The following NSD2 variants were observed in gnomAD, a reference collection of about 807,000 sequenced individuals.
NSD2 encodes the protein nuclear receptor binding SET domain protein 2.
In NSD2, 12 loss-of-function variants were observed where a neutral mutation model predicts 139.0. That is an observed-to-expected ratio of 0.09 (90% confidence interval 0.06 to 0.14). The LOEUF (loss-of-function observed/expected upper bound fraction) is 0.14. Among genes scored for constraint, NSD2 ranks in the 10% least tolerant of loss-of-function variants. The pLI, the probability that NSD2 is intolerant of heterozygous loss-of-function variation, is 1.00. For synonymous variants in NSD2, 669 were observed against 648.7 expected (o/e 1.03, Z -0.48); for missense variants, 1,155 against 1,745.0 (o/e 0.66, Z 6.02).
chr4:1,916,732 G>C, intron 3 of NSD2, 139 bp from the exon 4 acceptor site: 1 of 716,394 alleles, frequency 1.4e-6, no homozygotes, highest in South Asian at 2.2e-5. Context: ...GCATGGAAGG[G>C]ATAAGAAGTA....
In NSD2 at chr4:1,955,261, C is replaced by T; in HGVS notation, c.2439C>T (p.Cys813=). 1.2e-6 allele frequency: 2 copies of T among 1,614,216 alleles called. No individual in the cohort carries two copies. The highest frequency in any genetic ancestry group is 1.7e-6 in the Non-Finnish European group (2 of 1,180,046). ...CSVIASNSII[C]TAHFTARKGK... is the part of the protein sequence containing the mutation. ...TGATCGCCTCCAACAGCATCATCTGCACTGCCCACTTCACTGCTCGGAAGG... is the reference window on the plus strand; with the variant it reads ...TGATCGCCTCCAACAGCATCATCTGTACTGCCCACTTCACTGCTCGGAAGG... The change falls in exon 13 of 22, where the codon TGC becomes TGT. Residue 813 remains cysteine (C), a synonymous_variant. Transcript: ENST00000508803. The surrounding 1 kb of genome is among the most constrained non-coding windows in gnomAD (Gnocchi z 4.7).
chr4:1,972,670 T>C lies in NSD2; in HGVS notation c.3373-2193T>C, dbSNP rs1001068443. Reference sequence around the variant, plus strand: ...TCCAGATGGATTGAACAGCTAGGAGTGGGGGAGATGCATTTTATAATCTGT... The same window carrying C: ...TCCAGATGGATTGAACAGCTAGGAGCGGGGGAGATGCATTTTATAATCTGT... On this transcript the variant is annotated intron_variant, in intron 18 of 21. Coordinates refer to ENST00000508803, the MANE Select transcript of NSD2 (RefSeq NM_001042424.3). The surrounding 1 kb of genome is among the most constrained non-coding windows in gnomAD (Gnocchi z 4.0). Among the ~76,000 whole-genome samples the C allele has an allele frequency of 6.6e-6, 1 of 151,548 alleles. No individual in the cohort carries two copies. The highest frequency in any genetic ancestry group is 1.5e-5 in the Non-Finnish European group (1 of 67,880).
intron 1 of NSD2, among the ~76,000 whole-genome samples, chr4:1,890,536 C>T (rs763756758): frequency 9.2e-5 from 14 of 151,916 alleles, no homozygotes; most frequent in East Asian, 1.9e-4. Context: ...CTCCTGACCT[C>T]GTGATCCGCC....
At chr4:1,909,180 T>C (rs1247999791) in intron 3 of NSD2, among the ~76,000 whole-genome samples, 2 of 152,158 alleles carry the variant, frequency 1.3e-5, no homozygotes, top group Non-Finnish European at 2.9e-5. Context: ...GCCTTTGACA[T>C]GTCCCCGTCA....
At chr4:1,879,978 C>G (rs534795406) in intron 1 of NSD2, among the ~76,000 whole-genome samples, 1 of 152,148 alleles carries the variant, frequency 6.6e-6, no homozygotes, top group African/African-American at 2.4e-5. Flanking sequence ...GGTGAGGGCC[C>G]TTTGATATGT....
intron 1 of NSD2, among the ~76,000 whole-genome samples, chr4:1,882,911 T>C (rs571076730): frequency 1.4e-4 from 21 of 152,244 alleles, no homozygotes; most frequent in African/African-American, 4.6e-4. Context: ...CTGATGCCCT[T>C]GAGTTGAGAG....
At chr4:1,921,427 C>T (rs1036289103) in intron 5 of NSD2, among the ~76,000 whole-genome samples, 3 of 152,140 alleles carry the variant, frequency 2.0e-5, no homozygotes, top group Non-Finnish European at 4.4e-5. Context: ...CCACTGCACT[C>T]CAGCCTGGCG....
At chr4:1,964,490 A>G (rs1725674123) in intron 18 of NSD2, among the ~76,000 whole-genome samples, 1 of 152,212 alleles carries the variant, frequency 6.6e-6, no homozygotes, top group South Asian at 2.1e-4. Flanking sequence ...AGCCATGCAC[A>G]TGTTCTTGGA....
rs554740005 is a variant in NSD2 at position 1,890,324 on chromosome 4, C to T, written c.-29-10302C>T. 2.6e-5 allele frequency among the ~76,000 whole-genome samples: 4 copies of T among 151,256 alleles called. No individual in the cohort carries two copies. In the South Asian group the frequency reaches 6.3e-4, roughly 24 times the overall value. ...GTTTTTTGTTTTTTTTTTGAGATGG[C>T]GTCTCGCTCTGTCGCCTAGGCTGGA... is the stretch of plus-strand genomic sequence containing the variant. On this transcript the variant is annotated intron_variant, in intron 1 of 21. Transcript: ENST00000508803.
rs1010274856 is a variant in NSD2 at position 1,941,238 on chromosome 4, G to A, written c.1881+1460G>A. 20 of 1,056,124 alleles carry A rather than the reference G, an allele frequency of 1.9e-5. No homozygotes were observed. In the African/African-American group the frequency reaches 2.8e-4, roughly 15 times the overall value. The allele number at this position is 1,056,124 out of a possible 1,614,324, so 65.4% of individuals were successfully genotyped here. On this transcript the variant is annotated intron_variant, in intron 9 of 21. Coordinates refer to ENST00000508803, the MANE Select transcript of NSD2 (RefSeq NM_001042424.3). ...AGAATATTAAACATTTTTCACTTAA[G>A]TTGAGATTTTTGCTTTAAAGAGCTT...
chr4:1,930,509 G>T, intron 5 of NSD2, 117 bp from the exon 6 acceptor site: 1 of 1,082,578 alleles, frequency 9.2e-7, no homozygotes, highest in Non-Finnish European at 1.3e-6. Context: ...CCACGATGTG[G>T]GAATAAAAAT....
At chr4:1,947,134 C>CCTG (rs1464636920) in intron 9 of NSD2, 17 of 1,064,934 alleles carry the variant, frequency 1.6e-5, no homozygotes, top group Non-Finnish European at 1.8e-5. Context: ...CAGTGCACAG[C>CCTG]CTGCTGTCTG....
chr4:1,932,660 C>T (rs1026384683), intron 6 of NSD2, among the ~76,000 whole-genome samples: 3 of 152,072 alleles, frequency 2.0e-5, no homozygotes, highest in Non-Finnish European at 4.4e-5. Flanking sequence ...GCAGGAGAAT[C>T]GCTTGAACCT....
At chr4:1,920,552 T>G (rs907133543) in intron 5 of NSD2, among the ~76,000 whole-genome samples, 1 of 152,232 alleles carries the variant, frequency 6.6e-6, no homozygotes. Flanking sequence ...CTTTTTTTAA[T>G]TAAGTAAACA....
At chr4:1,946,240 G>A (rs956161460) in intron 9 of NSD2, 1 of 1,006,390 alleles carries the variant, frequency 9.9e-7, no homozygotes, top group Non-Finnish European at 1.2e-6. Flanking sequence ...TAAAATTTGG[G>A]GGGTCTTGCA....
chr4:1,960,974 C>T, intron 17 of NSD2, 61 bp from the exon 18 acceptor site: 1 of 1,387,544 alleles, frequency 7.2e-7, no homozygotes, highest in Non-Finnish European at 1.0e-6. Context: ...GAGTCTTGAG[C>T]CCCGACACTG....
At chr4:1,898,673 A>AC (rs1716741934) in intron 1 of NSD2, among the ~76,000 whole-genome samples, 1 of 146,178 alleles carries the variant, frequency 6.8e-6, no homozygotes, top group African/African-American at 2.6e-5. Context: ...AAAAAAAAAC[A>AC]AAAAACAAAA....
At position 1,948,852 on chromosome 4, in the gene NSD2, T is replaced by C; in HGVS notation, c.1882-2220T>C. On this transcript the variant is annotated intron_variant, in intron 9 of 21. Transcript: ENST00000508803. The surrounding 1 kb of genome is among the most constrained non-coding windows in gnomAD (Gnocchi z 4.5). ...CTGCTTTGTGTTTTCTGTCTTTCTC[T>C]CCATGCATTTTTTTTCTCATTTTTA... 2 of 988,886 alleles carry C rather than the reference T, an allele frequency of 2.0e-6. No individual in the cohort carries two copies. The highest frequency in any genetic ancestry group is 2.4e-6 in the Non-Finnish European group (2 of 822,034). The allele number at this position is 988,886 out of a possible 1,614,324, so 61.3% of individuals were successfully genotyped here.
At chr4:1,940,010 G>A (rs1577498864) in intron 9 of NSD2, 2 of 1,387,666 alleles carry the variant, frequency 1.4e-6, no homozygotes, top group East Asian at 5.3e-5. Context: ...CTGTGTACAT[G>A]TACAGATATA....
Sources: gnomAD v4.1 joint callset for allele counts (sites outside exome capture counted in the v4.1 genomes callset) on GRCh38, gnomAD v4.1.1 for gene constraint, Gnocchi (gnomAD v3.1) non-coding constraint, MANE v1.5 for transcripts, NCBI Gene and HGNC (gene_info 2026-07-23, HGNC 2026-07-21) for gene names.